TTC3: variants seen among roughly 807,000 people sequenced by gnomAD.
The protein encoded by TTC3 is tetratricopeptide repeat domain 3.
A neutral mutation model predicts 249.6 loss-of-function variants in TTC3; 180 were observed. The ratio of observed to expected loss-of-function variants is 0.72; its 90% CI spans 0.64 to 0.82. The LOEUF is 0.82. Among genes scored for constraint, TTC3 ranks in the 40% least tolerant of loss-of-function variants. The pLI is 0.00. For synonymous variants in TTC3, 717 were observed against 805.0 expected, an observed-to-expected ratio of 0.89 and a Z score of 1.85; for missense variants, 2,061 against 2,398.4, an observed-to-expected ratio of 0.86 and a Z score of 2.94.
chr21:37,122,579 T>C (rs2076709990), intron 12 of TTC3, among the ~76,000 whole-genome samples: 1 of 151,774 alleles, frequency 6.6e-6, no homozygotes, highest in Admixed American at 6.6e-5. Context: ...TTAGTCTACA[T>C]TTTTAGTGTA....
intron 18 of TTC3, among the ~76,000 whole-genome samples, chr21:37,137,478 G>A (rs2078059938): frequency 1.3e-5 from 2 of 152,174 alleles, no homozygotes; most frequent in African/African-American, 2.4e-5. Flanking sequence ...AGATGTGGTG[G>A]AACAAGCAAG....
intron 44 of TTC3, 87 bp downstream of exon 44, chr21:37,198,112 T>G: frequency 7.0e-7 from 1 of 1,421,024 alleles, no homozygotes; most frequent in Non-Finnish European, 9.4e-7. Context: ...CATTCATTTC[T>G]AGACCTAATT....
exon 42 of TTC3, chr21:37,195,936 C>A (rs375658381): frequency 4.3e-6 from 7 of 1,614,234 alleles, no homozygotes; most frequent in Non-Finnish European, 5.9e-6. Flanking sequence ...TCGGAAGCAG[C>A]CTGTTCCTCC....
In TTC3 at chr21:37,087,408, A is replaced by C; in HGVS notation, c.144+7A>C. 5 of 1,612,946 alleles carry C rather than the reference A, an allele frequency of 3.1e-6. No homozygotes were observed. Among genetic ancestry groups the C allele is most frequent in the Non-Finnish European group, 4.2e-6 (5 of 1,179,464 alleles). On this transcript the variant is annotated splice_region_variant and intron_variant, in intron 2 of 45. Coordinates refer to ENST00000355666, the Ensembl canonical transcript of TTC3. The stretch of plus-strand genomic sequence containing the variant: ...GCTTTACTGTGATGGGGTGGTAAGT[A>C]GGTTTGCTAATTTTTCATTTTTGAC...
chr21:37,154,160 C>T (rs932979102), intron 27 of TTC3, among the ~76,000 whole-genome samples: 10 of 152,192 alleles, frequency 6.6e-5, no homozygotes, highest in African/African-American at 2.2e-4. Context: ...TGGCCTAGCA[C>T]AATAGTTCAT....
intron 2 of TTC3, 79 bp downstream of exon 2, chr21:37,087,480 GT>G: frequency 6.5e-7 from 1 of 1,544,120 alleles, no homozygotes; most frequent in Non-Finnish European, 8.8e-7. Context: ...GAGTAAAGAT[GT>G]TTTTGTGGTA....
chr21:37,082,559 T>C, intron 1 of TTC3: 2 of 985,380 alleles, frequency 2.0e-6, no homozygotes, highest in Non-Finnish European at 2.4e-6. Context: ...CAGGGCTCAG[T>C]GTCCTGATCC....
chr21:37,174,823 G>A (rs1340194942), intron 35 of TTC3, among the ~76,000 whole-genome samples: 1 of 152,140 alleles, frequency 6.6e-6, no homozygotes, highest in East Asian at 1.9e-4. Flanking sequence ...AGCTTTGTGA[G>A]GCCTCACCTG....
chr21:37,110,479 G>A (rs758422514), intron 11 of TTC3, among the ~76,000 whole-genome samples: 1 of 152,174 alleles, frequency 6.6e-6, no homozygotes, highest in Non-Finnish European at 1.5e-5. Context: ...TGAAATGAAT[G>A]AAATGAAGCA....
intron 35 of TTC3, among the ~76,000 whole-genome samples, chr21:37,181,880 C>T (rs191249012): frequency 5.3e-5 from 8 of 152,200 alleles, no homozygotes; most frequent in Admixed American, 3.9e-4. Context: ...AAATGACCTA[C>T]GTGTGCTCTA....
exon 15 of TTC3, chr21:37,126,088 T>A: frequency 6.2e-7 from 1 of 1,608,360 alleles, no homozygotes; most frequent in Non-Finnish European, 8.5e-7. Flanking sequence ...AGGTGGCGGA[T>A]GAGGCGTTGA....
intron 10 of TTC3, chr21:37,108,085 A>C (rs888731017): frequency 4.6e-5 from 9 of 195,156 alleles, no homozygotes; most frequent in Non-Finnish European, 9.5e-5. Context: ...ACTCTGTCTC[A>C]AAAAAAACAA....
At chr21:37,090,016 T>G (rs959962778) in intron 5 of TTC3, among the ~76,000 whole-genome samples, 6 of 152,008 alleles carry the variant, frequency 3.9e-5, no homozygotes, top group African/African-American at 1.5e-4. Context: ...GTCTAAAGAT[T>G]ATACTAAGTT....
Position 37,186,924 on chromosome 21 carries a change from C to A in TTC3, c.4827-125C>A, listed in dbSNP as rs1421926797. ...GTGTAGTAAAATATGAGATGAGAAA[C>A]TGCTCTGGAAGATGTAGCTGAGGCT... is the stretch of plus-strand genomic sequence containing the variant. On this transcript the variant is annotated intron_variant, in intron 37 of 45. Coordinates refer to ENST00000355666, the Ensembl canonical transcript of TTC3. 5.2e-6 allele frequency: 3 copies of A among 573,750 alleles called. No individual in the cohort carries two copies. The African/African-American group carries it at 5.9e-5, about 11-fold the overall frequency. The allele number at this position is 573,750 out of a possible 1,614,324, so 35.5% of individuals were successfully genotyped here.
chr21:37,122,772 T>C (rs187092778), intron 12 of TTC3, among the ~76,000 whole-genome samples: 1 of 152,332 alleles, frequency 6.6e-6, no homozygotes, highest in African/African-American at 2.4e-5. Flanking sequence ...TGATCACATG[T>C]GATGGAATGT....
At chr21:37,194,267 A>G (rs918250780) in intron 41 of TTC3, among the ~76,000 whole-genome samples, 54 of 152,188 alleles carry the variant, frequency 3.5e-4, no homozygotes, top group Non-Finnish European at 7.3e-4. Context: ...AAAATACTCA[A>G]TGGAAAATTC....
At chr21:37,200,092 C>T in intron 44 of TTC3, 140 bp from the exon 45 acceptor site, 10 of 547,178 alleles carry the variant, frequency 1.8e-5, no homozygotes, top group South Asian at 1.2e-4. Context: ...AAGTTGTTTC[C>T]TCAGACTGTT....
chr21:37,084,920 G>A (rs919411292), intron 1 of TTC3, among the ~76,000 whole-genome samples: 1 of 152,196 alleles, frequency 6.6e-6, no homozygotes, highest in Admixed American at 6.5e-5. Flanking sequence ...TTGAACCCGG[G>A]AAGTGGAGGT....
Position 37,177,994 on chromosome 21 carries a change from C to T in TTC3, c.4618-4780C>T, listed in dbSNP as rs896525816. Among the ~76,000 whole-genome samples the T allele has an allele frequency of 6.6e-5, 10 of 152,168 alleles. 1 individual carries two copies. The highest frequency in any genetic ancestry group is 1.5e-4 in the Non-Finnish European group (10 of 68,048). ...CTCCCCATTCTCTCCTGTATCCCAG[C>T]CCTTGGCAACCACTGATTTACTCTC... On this transcript the variant is annotated intron_variant, in intron 35 of 45. Coordinates refer to ENST00000355666, the Ensembl canonical transcript of TTC3.
Sources: gnomAD v4.1 joint callset for allele counts (sites outside exome capture counted in the v4.1 genomes callset) on GRCh38, gnomAD v4.1.1 for gene constraint, MANE v1.5 for transcripts, NCBI Gene and HGNC (gene_info 2026-07-23, HGNC 2026-07-21) for gene names.